Variants in UBAP2L observed in about 807,000 individuals in gnomAD.
UBAP2L encodes ubiquitin-associated protein 2-like.
A neutral mutation model predicts 130.6 loss-of-function variants in UBAP2L; 12 were observed. The ratio of observed to expected loss-of-function variants is 0.09; its 90% CI spans 0.06 to 0.15. The LOEUF is 0.15. Among genes scored for constraint, UBAP2L ranks in the 10% least tolerant of loss-of-function variants. The pLI, the probability that UBAP2L is intolerant of heterozygous loss-of-function variation, is 1.00. For missense variants in UBAP2L, 965 were observed against 1,332.5 expected (o/e 0.72, Z 4.29); for synonymous variants, 503 against 524.7 (o/e 0.96, Z 0.57).
intron 26 of UBAP2L, 154 bp downstream of exon 26, chr1:154,269,108 C>T: frequency 5.0e-6 from 5 of 1,004,974 alleles, no homozygotes; most frequent in South Asian, 3.3e-5. Context: ...CAGACACAAG[C>T]GCACATAACA....
intron 4 of UBAP2L, among the ~76,000 whole-genome samples, chr1:154,233,630 C>T (rs1670647141): frequency 6.7e-6 from 1 of 148,740 alleles, no homozygotes; most frequent in Admixed American, 6.7e-5. Context: ...GCCACCCAGC[C>T]TGATCTTTTA....
chr1:154,241,616 G>C (rs1318851354), intron 9 of UBAP2L, 51 bp downstream of exon 9: 2 of 1,602,186 alleles, frequency 1.2e-6, no homozygotes, highest in Non-Finnish European at 8.5e-7. Context: ...CCTAAGTGTT[G>C]TTTAGGGATA....
chr1:154,248,330 A>G (rs963370891), intron 11 of UBAP2L, among the ~76,000 whole-genome samples: 18 of 152,260 alleles, frequency 1.2e-4, no homozygotes, highest in African/African-American at 4.3e-4. Flanking sequence ...CTGACTTGCT[A>G]CTTGATTGTC....
chr1:154,234,545 A>G (rs1351547270), intron 4 of UBAP2L, 46 bp from the exon 5 acceptor site: 1 of 1,606,094 alleles, frequency 6.2e-7, no homozygotes, highest in Admixed American at 1.7e-5. Context: ...TAGTGTCCTG[A>G]TAGCACTCCA....
Position 154,270,762 on chromosome 1 carries a change from TTTTTTTTG to T in UBAP2L, c.*475_*482del. The stretch of plus-strand genomic sequence containing the variant: ...GTCAGATGAATTAGTTGAAGTGGTT[TTTTTTTTG>T]TTTTTTTTTTTTTTTTGTACTGTGT... On this transcript the variant is annotated 3_prime_UTR_variant, in exon 27 of 27. Coordinates refer to ENST00000428931, the MANE Select transcript of UBAP2L (RefSeq NM_014847.4). 86 of 1,223,632 alleles carry T rather than the reference TTTTTTTTG, an allele frequency of 7.0e-5. No individual in the cohort carries two copies. Among genetic ancestry groups the T allele is most frequent in the Middle Eastern group, 2.6e-4 (1 of 3,830 alleles). 75.8% of individuals were successfully genotyped at this position (1,223,632 alleles called of 1,614,324 possible). A position where few individuals can be genotyped will look rare whatever the true frequency, so the allele number is the denominator to read the frequency against.
In UBAP2L at chr1:154,234,629, AGGCCAGAAGGATGGT is replaced by A; in HGVS notation, c.326_340del (p.Lys109_Gln113del). 1 of 1,614,110 alleles carries A rather than the reference AGGCCAGAAGGATGGT, an allele frequency of 6.2e-7. No homozygotes were observed. The highest frequency in any genetic ancestry group is 8.5e-7 in the Non-Finnish European group (1 of 1,179,984). ...TGGTCGGGAAGAAGAAGGGAGTCTC[AGGCCAGAAGGATGGT>A]GGCCAGACGGAATCCAATGAGGAAG... On this transcript the variant is annotated inframe_deletion, in exon 5 of 27. Coordinates refer to ENST00000428931, the MANE Select transcript of UBAP2L (RefSeq NM_014847.4).
At chr1:154,246,506 T>C in intron 11 of UBAP2L, 131 bp downstream of exon 11, 1 of 1,055,028 alleles carries the variant, frequency 9.5e-7, no homozygotes, top group South Asian at 1.8e-5. Flanking sequence ...GCAGACTTGG[T>C]TGTAGAAATG....
chr1:154,228,931 T>C (rs1421800159), intron 4 of UBAP2L, among the ~76,000 whole-genome samples: 1 of 152,168 alleles, frequency 6.6e-6, no homozygotes, highest in Admixed American at 6.5e-5. Context: ...ATAATGCTCA[T>C]AGGAGAAAAC....
intron 2 of UBAP2L, among the ~76,000 whole-genome samples, chr1:154,225,432 G>A (rs577362592): frequency 3.9e-4 from 59 of 150,234 alleles, no homozygotes; most frequent in Admixed American, 8.0e-4. Flanking sequence ...GTATTATGAG[G>A]CTTAGCACTT....
intron 2 of UBAP2L, 66 bp downstream of exon 2, chr1:154,225,279 A>G: frequency 6.5e-7 from 1 of 1,538,450 alleles, no homozygotes; most frequent in Non-Finnish European, 8.9e-7. Context: ...TCCATGCAGT[A>G]CAGCATCATT....
rs1158727865 is a variant in UBAP2L, at chr1:154,234,582, CT to C, written c.280-7del. On this transcript the variant is annotated splice_polypyrimidine_tract_variant and splice_region_variant and intron_variant, in intron 4 of 26. Transcript: ENST00000428931. The stretch of plus-strand genomic sequence containing the variant: ...ATTGATTAGATATGAATGCTCTACC[CT>C]TCTATAGCATTCCTGGGAGATGGTC... The C allele has an allele frequency of 6.2e-7, 1 of 1,613,610 alleles. No homozygotes were observed. Among genetic ancestry groups the C allele is most frequent in the Admixed American group, 1.7e-5 (1 of 59,996 alleles).
chr1:154,256,533 G>A (rs943826926), intron 18 of UBAP2L, among the ~76,000 whole-genome samples: 1 of 152,162 alleles, frequency 6.6e-6, no homozygotes, highest in Non-Finnish European at 1.5e-5. Context: ...TAGCTACTCG[G>A]GAGGCTGAAG....
At position 154,270,842 on chromosome 1, in the gene UBAP2L, C is replaced by T. The variant is rs764113220; in HGVS notation, c.*547C>T. The stretch of plus-strand genomic sequence containing the variant: ...GTGTCTTGTATATATAAAAAGAAAA[C>T]CTCTACCTTCAGCCTCTGCCTATTC... On this transcript the variant is annotated 3_prime_UTR_variant, in exon 27 of 27. Coordinates refer to ENST00000428931, the MANE Select transcript of UBAP2L (RefSeq NM_014847.4). 20 of 1,311,144 alleles carry T rather than the reference C, an allele frequency of 1.5e-5. No homozygotes were observed. The highest frequency in any genetic ancestry group is 2.0e-5 in the Non-Finnish European group (20 of 1,007,114). The allele number at this position is 1,311,144 out of a possible 1,614,324, so 81.2% of individuals were successfully genotyped here.
At chr1:154,220,550 C>T, upstream of UBAP2L, 1 of 807,864 alleles carries the variant, frequency 1.2e-6, no homozygotes, top group Non-Finnish European at 2.1e-6. Context: ...CCAGACCCGG[C>T]CTGAAAACAT....
Position 154,254,058 on chromosome 1 carries a change from C to A in UBAP2L, c.1823C>A (p.Ser608Ter). ...CGGCGGTACCCCAGCTCCATCTCTT[C>A]ATCACCCCAAAAGGACCTGACTCAG... ...QTRRYPSSIS[S>*]SPQKDLTQAK... is the part of the protein sequence containing the mutation. Residue 608 changes from serine to a stop codon, truncating the protein, a stop_gained, in exon 15 of 27, where the codon TCA (serine) becomes TAA (stop). Transcript: ENST00000428931. LOFTEE classifies it high-confidence loss of function. The A allele has an allele frequency of 6.3e-7, 1 of 1,595,130 alleles. No homozygotes were observed. Among genetic ancestry groups the A allele is most frequent in the Non-Finnish European group, 8.5e-7 (1 of 1,171,980 alleles).
chr1:154,270,467 C>T lies in UBAP2L; in HGVS notation c.*172C>T, dbSNP rs1684505083. The T allele has an allele frequency of 6.6e-7, 1 of 1,523,028 alleles. No homozygotes were observed. Among genetic ancestry groups the T allele is most frequent in the Non-Finnish European group, 8.8e-7 (1 of 1,140,938 alleles). 94.3% of individuals were successfully genotyped at this position (1,523,028 alleles called of 1,614,324 possible). ...TGTCCCATTCCTATACCATCCCCAC[C>T]CTGTTGTATGTATTATAGGATTTGT... On this transcript the variant is annotated 3_prime_UTR_variant, in exon 27 of 27. Coordinates refer to ENST00000428931, the MANE Select transcript of UBAP2L (RefSeq NM_014847.4).
chr1:154,259,784 A>G, intron 21 of UBAP2L, 164 bp from the exon 22 acceptor site: 5 of 805,474 alleles, frequency 6.2e-6, no homozygotes, highest in Admixed American at 3.4e-5. Flanking sequence ...GGGACAGTGT[A>G]TGCAAGAGTA....
Position 154,251,103 on chromosome 1 carries a change from C to G in UBAP2L, c.1276C>G (p.Pro426Ala). Residue 426 changes from proline (P) to alanine (A), a missense_variant, in exon 13 of 27, where the codon CCA becomes GCA. Pro to Ala is a conservative substitution (Grantham distance 27). This residue lies in a region of UBAP2L where 74 missense variants were observed against 97.1 expected (regional missense o/e 0.76). Coordinates refer to ENST00000428931, the MANE Select transcript of UBAP2L (RefSeq NM_014847.4). Reference sequence around the variant, plus strand: ...CTTTACAAAGCGCCAGGCTTTTACCCCATCTTCAACCATGATGGAGGTGTT... The same window carrying G: ...CTTTACAAAGCGCCAGGCTTTTACCGCATCTTCAACCATGATGGAGGTGTT... ...SPFTKRQAFT[P>A]SSTMMEVFLQ... The G allele has an allele frequency of 1.2e-6, 2 of 1,614,126 alleles. No individual in the cohort carries two copies. The highest frequency in any genetic ancestry group is 1.7e-6 in the Non-Finnish European group (2 of 1,180,034).
chr1:154,227,373 T>C lies in UBAP2L; in HGVS notation c.168+14T>C. The C allele has an allele frequency of 6.3e-7, 1 of 1,598,548 alleles. No individual in the cohort carries two copies. The highest frequency in any genetic ancestry group is 8.6e-7 in the Non-Finnish European group (1 of 1,166,396). Reference sequence around the variant, plus strand: ...AAGGTGAAACAAGTGAGTGTATCACTAATTTACTGTACACTATGAGAAAAG... The same window carrying C: ...AAGGTGAAACAAGTGAGTGTATCACCAATTTACTGTACACTATGAGAAAAG... On this transcript the variant is annotated intron_variant, in intron 3 of 26. Transcript: ENST00000428931.
Sources: allele counts gnomAD v4.1 joint callset (sites outside exome capture counted in the v4.1 genomes callset), GRCh38; gene constraint gnomAD v4.1.1; regional missense constraint gnomAD v4.1.1; transcripts MANE v1.5; gene names NCBI Gene and HGNC (gene_info 2026-07-23, HGNC 2026-07-21).